The following CDKAL1 variants were observed in gnomAD, a reference collection of about 807,000 sequenced individuals.
CDKAL1 encodes CDKAL1 threonylcarbamoyladenosine tRNA methylthiotransferase.
A neutral mutation model predicts 68.2 loss-of-function variants in CDKAL1; 32 were observed. That is an observed-to-expected ratio of 0.47 (90% CI 0.35 to 0.63). CDKAL1 has a LOEUF of 0.63. CDKAL1 is among the 30% of genes least tolerant of loss of function. The pLI is 0.00. For missense variants in CDKAL1, 606 were observed against 696.7 expected, an observed-to-expected ratio of 0.87 and a Z score of 1.47; for synonymous variants, 234 against 244.3, an observed-to-expected ratio of 0.96 and a Z score of 0.39.
intron 5 of CDKAL1, among the ~76,000 whole-genome samples, chr6:20,660,133 C>T (rs1000980668): frequency 1.1e-4 from 16 of 152,134 alleles, no homozygotes; most frequent in African/African-American, 3.9e-4. Context: ...CCCTTCTAAG[C>T]TTCACCTCAC....
chr6:20,816,129 C>A (rs1212251311), intron 8 of CDKAL1, among the ~76,000 whole-genome samples: 1 of 144,390 alleles, frequency 6.9e-6, no homozygotes, highest in Non-Finnish European at 1.5e-5. Flanking sequence ...GTCCCCCCCC[C>A]CGCCTTTTTT....
At chr6:20,661,555 A>G (rs2127771279) in intron 5 of CDKAL1, among the ~76,000 whole-genome samples, 1 of 151,356 alleles carries the variant, frequency 6.6e-6, no homozygotes, top group Admixed American at 6.6e-5. Flanking sequence ...TATTGGAAAT[A>G]CAAAAGAAAG....
chr6:20,691,182 C>G (rs757863642), intron 5 of CDKAL1, among the ~76,000 whole-genome samples: 19 of 152,274 alleles, frequency 1.2e-4, no homozygotes, highest in Admixed American at 3.9e-4. Flanking sequence ...TGTCCTGTCT[C>G]TTGCCTTTGG....
intron 4 of CDKAL1, among the ~76,000 whole-genome samples, chr6:20,631,573 A>G (rs963902689): frequency 3.3e-5 from 5 of 152,150 alleles, no homozygotes; most frequent in African/African-American, 1.2e-4. Flanking sequence ...CTATTTCCCC[A>G]TAATTAATGG....
intron 5 of CDKAL1, among the ~76,000 whole-genome samples, chr6:20,700,337 A>C (rs1771287335): frequency 6.6e-6 from 1 of 151,208 alleles, no homozygotes; most frequent in Non-Finnish European, 1.5e-5. Flanking sequence ...CCTGGGCAAC[A>C]AGAGTGAAAC....
intron 9 of CDKAL1, among the ~76,000 whole-genome samples, chr6:20,932,386 GT>G (rs1462879720): frequency 6.6e-6 from 1 of 152,060 alleles, no homozygotes; most frequent in Non-Finnish European, 1.5e-5. Flanking sequence ...GTCCACCCAC[GT>G]TCCCATTTGA....
At chr6:21,062,291 T>G (rs928788085) in intron 11 of CDKAL1, among the ~76,000 whole-genome samples, 2 of 152,368 alleles carry the variant, frequency 1.3e-5, no homozygotes, top group East Asian at 1.9e-4. Context: ...CTATTCTCTA[T>G]TATGATCTGC....
chr6:20,851,676 G>T (rs1350446144), intron 9 of CDKAL1, among the ~76,000 whole-genome samples: 1 of 151,732 alleles, frequency 6.6e-6, no homozygotes, highest in Non-Finnish European at 1.5e-5. Context: ...AAAATTTCTT[G>T]ATGCCTAGTG....
chr6:21,217,403 T>C (rs1313961977), intron 15 of CDKAL1, among the ~76,000 whole-genome samples: 1 of 151,496 alleles, frequency 6.6e-6, no homozygotes, highest in African/African-American at 2.4e-5. Flanking sequence ...TAGGTGATCC[T>C]CCCACCTCAG....
chr6:21,169,591 G>A (rs548020866), intron 13 of CDKAL1, among the ~76,000 whole-genome samples: 5 of 152,130 alleles, frequency 3.3e-5, no homozygotes, highest in African/African-American at 7.2e-5. Flanking sequence ...AGCTGAGATC[G>A]CACCACTACA....
At chr6:20,785,907 T>C (rs1386089599) in intron 8 of CDKAL1, among the ~76,000 whole-genome samples, 1 of 152,212 alleles carries the variant, frequency 6.6e-6, no homozygotes, top group Non-Finnish European at 1.5e-5. Context: ...TGTTATGCCT[T>C]GTTATATTTC....
At chr6:20,675,892 A>G (rs1770071600) in intron 5 of CDKAL1, among the ~76,000 whole-genome samples, 1 of 152,160 alleles carries the variant, frequency 6.6e-6, no homozygotes, top group African/African-American at 2.4e-5. Context: ...CTCCAAGTGT[A>G]TTATTGCCCC....
At chr6:20,962,284 T>G (rs1765096260) in intron 10 of CDKAL1, among the ~76,000 whole-genome samples, 1 of 152,324 alleles carries the variant, frequency 6.6e-6, no homozygotes, top group East Asian at 1.9e-4. Flanking sequence ...GTACATGTCA[T>G]CATAAGGTTA....
At chr6:20,645,391 G>A (rs948860487) in intron 4 of CDKAL1, among the ~76,000 whole-genome samples, 2 of 152,000 alleles carry the variant, frequency 1.3e-5, no homozygotes, top group Admixed American at 6.6e-5. Context: ...ATATTGTACA[G>A]CTGAACAAAA....
chr6:20,546,639 C>A lies in CDKAL1; in HGVS notation c.173+116C>A, dbSNP rs1280081600. Reference sequence around the variant, plus strand: ...TGTGATCTCGGTTCACTGCAACCTCCTCCTCCTGGATTCAAGCTATTCTCC... The same window carrying A: ...TGTGATCTCGGTTCACTGCAACCTCATCCTCCTGGATTCAAGCTATTCTCC... On this transcript the variant is annotated intron_variant, in intron 3 of 15. Transcript: ENST00000274695. The A allele has an allele frequency of 3.3e-5, 24 of 734,898 alleles. No homozygotes were observed. In the East Asian group the frequency reaches 6.5e-4, roughly 20 times the overall value. The allele number at this position is 734,898 out of a possible 1,614,324, so 45.5% of individuals were successfully genotyped here.
chr6:20,915,525 A>G lies in CDKAL1; in HGVS notation c.743-39894A>G, dbSNP rs189047630. ...AGGCCCACCCACATTTTGGGGGATAATCTGCTTTACTCAAACTCTACAGAT... is the reference window on the plus strand; with the variant it reads ...AGGCCCACCCACATTTTGGGGGATAGTCTGCTTTACTCAAACTCTACAGAT... On this transcript the variant is annotated intron_variant, in intron 9 of 15. Transcript: ENST00000274695. Among the ~76,000 whole-genome samples, 21 of 152,284 alleles carry G rather than the reference A, an allele frequency of 1.4e-4. No homozygotes were observed. The East Asian group carries it at 3.3e-3, about 24-fold the overall frequency.
At chr6:21,068,484 A>C (rs766562079) in intron 12 of CDKAL1, among the ~76,000 whole-genome samples, 16 of 152,080 alleles carry the variant, frequency 1.1e-4, no homozygotes, top group Non-Finnish European at 2.4e-4. Flanking sequence ...AGTTTATTGA[A>C]AATATCATTC....
intron 4 of CDKAL1, among the ~76,000 whole-genome samples, chr6:20,584,580 A>G (rs1018944274): frequency 6.6e-5 from 10 of 152,328 alleles, no homozygotes; most frequent in African/African-American, 2.4e-4. Context: ...AGTGTTCACA[A>G]TTGAGAACTG....
At chr6:20,535,607 T>C (rs1173666852) in intron 2 of CDKAL1, among the ~76,000 whole-genome samples, 4 of 152,218 alleles carry the variant, frequency 2.6e-5, no homozygotes, top group African/African-American at 9.6e-5. Flanking sequence ...TCCACTTTTT[T>C]GAGATGCCCT....
Sources: allele counts gnomAD v4.1 joint callset (sites outside exome capture counted in the v4.1 genomes callset), GRCh38; gene constraint gnomAD v4.1.1; transcripts MANE v1.5; gene names NCBI Gene and HGNC (gene_info 2026-07-23, HGNC 2026-07-21).